UGT1A10: variants seen among roughly 807,000 people sequenced by gnomAD.
UGT1A10 encodes UDP-glucuronosyltransferase 1A10.
UGT1A10 carries 49 observed loss-of-function variants against 45.8 expected under a neutral mutation model. That is an observed-to-expected ratio of 1.07 (90% CI 0.85 to 1.36). The LOEUF (loss-of-function observed/expected upper bound fraction) is 1.36, where lower values mean the gene tolerates loss of function less well. Ranked by LOEUF, UGT1A10 falls within the 40% of genes most tolerant of loss-of-function variation. The pLI, the probability that UGT1A10 is intolerant of heterozygous loss-of-function variation, is 0.00. For synonymous variants in UGT1A10, 284 were observed against 249.7 expected, an observed-to-expected ratio of 1.14 and a Z score of -1.29; for missense variants, 745 against 668.6, an observed-to-expected ratio of 1.11 and a Z score of -1.26.
rs555611956 is a variant in UGT1A10, at chr2:233,637,014, C to G, written c.492C>G (p.Pro164=). The part of the protein sequence containing the change: ...GLIVAKYFSL[P]SVVFTRGIFC... ...TTGTTGCTAAATATTTCTCCCTCCC[C>G]TCTGTGGTCTTCACCAGGGGAATAT... Residue 164 remains proline, a synonymous_variant, in exon 1 of 5, where the codon CCC becomes CCG. Transcript: ENST00000344644. 1.1e-5 allele frequency: 18 copies of G among 1,614,098 alleles called. No individual in the cohort carries two copies. The South Asian group carries it at 1.3e-4, about 12-fold the overall frequency.
chr2:233,751,910 A>G (rs1006806920), intron 1 of UGT1A10, among the ~76,000 whole-genome samples: 1 of 152,180 alleles, frequency 6.6e-6, no homozygotes, highest in African/African-American at 2.4e-5. Context: ...AGAACAGACT[A>G]ATACAAGATT....
intron 1 of UGT1A10, chr2:233,681,884 C>G (rs1170971791): frequency 1.0e-5 from 16 of 1,560,728 alleles, no homozygotes; most frequent in African/African-American, 1.4e-5. Flanking sequence ...CTTCCACTTA[C>G]TATATTATAG....
Position 233,747,361 on chromosome 2 carries a change from A to T in UGT1A10, c.856-19673A>T, listed in dbSNP as rs1260496106. 17 of 1,603,206 alleles carry T rather than the reference A, an allele frequency of 1.1e-5. No individual in the cohort carries two copies. In the African/African-American group the frequency reaches 1.9e-4, roughly 18 times the overall value. On this transcript the variant is annotated intron_variant, in intron 1 of 4. Coordinates refer to ENST00000344644, the MANE Select transcript of UGT1A10 (RefSeq NM_019075.4). Reference sequence around the variant, plus strand: ...GCTCGCATGCGGGAGGCCGTGCGGGAGCTCCATGCCAGAGGCCACCAGGCG... The same window carrying T: ...GCTCGCATGCGGGAGGCCGTGCGGGTGCTCCATGCCAGAGGCCACCAGGCG...
chr2:233,770,451 C>T (rs565936223), intron 4 of UGT1A10: 5 of 152,088 alleles, frequency 3.3e-5, no homozygotes, highest in Admixed American at 1.3e-4. Flanking sequence ...GTTAGGAGTT[C>T]GAAACCAACC....
intron 1 of UGT1A10, among the ~76,000 whole-genome samples, chr2:233,696,312 G>A (rs1281936053): frequency 6.6e-6 from 1 of 152,138 alleles, no homozygotes; most frequent in African/African-American, 2.4e-5. Flanking sequence ...TATATATTTG[G>A]TCTTCATCCT....
chr2:233,755,235 C>G (rs1346915931), intron 1 of UGT1A10: 5 of 904,804 alleles, frequency 5.5e-6, no homozygotes, highest in Non-Finnish European at 8.2e-6. Flanking sequence ...CGAGGCCTAC[C>G]GGGGTACTCC....
chr2:233,678,086 T>C (rs1428829257), intron 1 of UGT1A10, among the ~76,000 whole-genome samples: 1 of 152,170 alleles, frequency 6.6e-6, no homozygotes, highest in African/African-American at 2.4e-5. Flanking sequence ...CAAATACCAT[T>C]GTTTTCACTT....
At chr2:233,703,929 T>C (rs2125594300) in intron 1 of UGT1A10, among the ~76,000 whole-genome samples, 1 of 152,142 alleles carries the variant, frequency 6.6e-6, no homozygotes, top group East Asian at 1.9e-4. Context: ...CTCATTCTGT[T>C]ACCCAGACTG....
Position 233,772,946 on chromosome 2 carries a change from G to A in UGT1A10, c.*387G>A. On this transcript the variant is annotated 3_prime_UTR_variant, in exon 5 of 5. Transcript: ENST00000344644. ...GTTTTAATCTTATCTTTTGGCTTCT[G>A]CAGATGGTTGCAATTGATCCTTAAC... The A allele has an allele frequency of 3.1e-6, 1 of 325,346 alleles. No homozygotes were observed. Among genetic ancestry groups the A allele is most frequent in the Non-Finnish European group, 5.8e-6 (1 of 173,426 alleles). The allele number at this position is 325,346 out of a possible 1,614,324, so 20.2% of individuals were successfully genotyped here.
At chr2:233,747,184 G>A in intron 1 of UGT1A10, 1 of 1,602,858 alleles carries the variant, frequency 6.2e-7, no homozygotes, top group Non-Finnish European at 8.5e-7. Flanking sequence ...GCGTGGGGTG[G>A]ACAGTCAGCT....
At chr2:233,688,929 G>A (rs532417725) in intron 1 of UGT1A10, among the ~76,000 whole-genome samples, 20 of 152,124 alleles carry the variant, frequency 1.3e-4, no homozygotes, top group African/African-American at 3.6e-4. Flanking sequence ...AGGGAAGATG[G>A]CAGGTGCAGC....
Position 233,767,829 on chromosome 2 carries a change from G to A in UGT1A10, c.988-20G>A. On this transcript the variant is annotated intron_variant, in intron 2 of 4. Coordinates refer to ENST00000344644, the MANE Select transcript of UGT1A10 (RefSeq NM_019075.4). ...ATATTATGTTCTTTCTTTACGTTCT[G>A]CTCTTTTTGCCCCTCCCAGGTCCTG... 6.2e-7 allele frequency: 1 copy of A among 1,614,106 alleles called. No individual in the cohort carries two copies.
chr2:233,692,514 G>A (rs902529151), intron 1 of UGT1A10, among the ~76,000 whole-genome samples: 2 of 152,148 alleles, frequency 1.3e-5, no homozygotes, highest in Admixed American at 1.3e-4. Context: ...AACCTGTGGG[G>A]TCCGTGCTAA....
intron 1 of UGT1A10, among the ~76,000 whole-genome samples, chr2:233,686,535 C>T (rs1362487787): frequency 6.6e-6 from 1 of 152,068 alleles, no homozygotes; most frequent in Non-Finnish European, 1.5e-5. Context: ...AGAACCTAAC[C>T]TTTCCGTGGC....
At chr2:233,759,078 G>A (rs997941103) in intron 1 of UGT1A10, among the ~76,000 whole-genome samples, 3 of 152,214 alleles carry the variant, frequency 2.0e-5, no homozygotes, top group Non-Finnish European at 4.4e-5. Flanking sequence ...TTGGAAGAAA[G>A]AGACTTTGTT....
intron 1 of UGT1A10, among the ~76,000 whole-genome samples, chr2:233,764,258 T>C (rs1698520087): frequency 1.3e-5 from 2 of 152,152 alleles, no homozygotes; most frequent in Non-Finnish European, 2.9e-5. Context: ...AGTTAATATG[T>C]TGCTTCACTC....
intron 1 of UGT1A10, among the ~76,000 whole-genome samples, chr2:233,652,034 G>C (rs1050709803): frequency 1.3e-5 from 2 of 151,960 alleles, no homozygotes; most frequent in Admixed American, 6.5e-5. Flanking sequence ...TTTAGTTTTT[G>C]GTGAGTTCCA....
rs563410671 is a variant in UGT1A10 at position 233,637,482 on chromosome 2, A to C, written c.855+105A>C. The C allele has an allele frequency of 5.7e-5, 85 of 1,498,192 alleles. No homozygotes were observed. In the African/African-American group the frequency reaches 1.0e-3, roughly 18 times the overall value. 92.8% of individuals were successfully genotyped at this position (1,498,192 alleles called of 1,614,324 possible). ...TGACATTTTCGTTTGTTGCATTTCA[A>C]ATTTCTTTCCAGTTTAACAAATTAT... On this transcript the variant is annotated intron_variant, in intron 1 of 4. Transcript: ENST00000344644.
intron 1 of UGT1A10, among the ~76,000 whole-genome samples, chr2:233,676,760 G>GACTTTTGGTAGGAAGAC (rs745494021): frequency 1.3e-5 from 2 of 152,178 alleles, no homozygotes; most frequent in Non-Finnish European, 2.9e-5. Flanking sequence ...TGGGTTTATA[G>GACTTTTGGTAGGAAGAC]ACTTTTGGTA....
Sources: gnomAD v4.1 joint callset for allele counts (sites outside exome capture counted in the v4.1 genomes callset) on GRCh38, gnomAD v4.1.1 for gene constraint, MANE v1.5 for transcripts, NCBI Gene and HGNC (gene_info 2026-07-23, HGNC 2026-07-21) for gene names.